The following RBM47 variants were observed in gnomAD, a reference collection of about 807,000 sequenced individuals.
The protein encoded by RBM47 is RNA-binding protein 47.
RBM47 carries 21 observed loss-of-function variants against 47.1 expected under a neutral mutation model. That is an observed-to-expected ratio of 0.45 (90% confidence interval 0.32 to 0.64). The LOEUF is 0.64. Among genes scored for constraint, RBM47 ranks in the 30% least tolerant of loss-of-function variants. The probability of loss-of-function intolerance (pLI) is 0.05; values close to 1 mark genes in which losing one functional copy is unlikely to be tolerated. For missense variants in RBM47, 708 were observed against 870.9 expected, an observed-to-expected ratio of 0.81 and a Z score of 2.35; for synonymous variants, 375 against 361.7, an observed-to-expected ratio of 1.04 and a Z score of -0.42.
At chr4:40,452,118 C>T (rs1715535162) in intron 3 of RBM47, among the ~76,000 whole-genome samples, 1 of 150,526 alleles carries the variant, frequency 6.6e-6, no homozygotes, top group Non-Finnish European at 1.5e-5. Context: ...TGCAATGAGC[C>T]GAGATCATGC....
At chr4:40,519,090 A>G (rs1271120467) in intron 2 of RBM47, among the ~76,000 whole-genome samples, 4 of 151,932 alleles carry the variant, frequency 2.6e-5, no homozygotes. Flanking sequence ...GGTCCAAGCT[A>G]CTTGGGAGGC....
chr4:40,492,376 AG>A (rs1722003742), intron 2 of RBM47, among the ~76,000 whole-genome samples: 1 of 152,140 alleles, frequency 6.6e-6, no homozygotes, highest in African/African-American at 2.4e-5. Context: ...AAAAAAGTAA[AG>A]AAAAGAAAAA....
At chr4:40,518,685 AC>A (rs771735595) in intron 2 of RBM47, among the ~76,000 whole-genome samples, 1 of 152,070 alleles carries the variant, frequency 6.6e-6, no homozygotes, top group Non-Finnish European at 1.5e-5. Context: ...ACTGTAGCCT[AC>A]ACACCCTACT....
intron 2 of RBM47, among the ~76,000 whole-genome samples, chr4:40,474,754 A>C (rs2154238579): frequency 6.6e-6 from 1 of 152,352 alleles, no homozygotes; most frequent in South Asian, 2.1e-4. Context: ...AGGGAAAACC[A>C]GTTACACTTT....
chr4:40,551,106 C>G lies in RBM47; in HGVS notation c.-239-6600G>C, dbSNP rs555768420. ...CTGTGTAGGTAGCAAGCCCAGCCTGCCCACAAATATTTGTCAAGGTAACTG... is the reference window on the plus strand; with the variant it reads ...CTGTGTAGGTAGCAAGCCCAGCCTGGCCACAAATATTTGTCAAGGTAACTG... On this transcript the variant is annotated intron_variant, in intron 1 of 6. Coordinates refer to ENST00000295971, the MANE Select transcript of RBM47 (RefSeq NM_001098634.2). Among the ~76,000 whole-genome samples the G allele has an allele frequency of 2.6e-5, 4 of 152,208 alleles. No homozygotes were observed. The South Asian group carries it at 8.3e-4, about 32-fold the overall frequency.
chr4:40,432,708 CGCGGCTGCG>C lies in RBM47; in HGVS notation c.1476_1484del (p.Ala500_Ala502del). 6.3e-7 allele frequency: 1 copy of C among 1,589,598 alleles called. No individual in the cohort carries two copies. Among genetic ancestry groups the C allele is most frequent in the East Asian group, 2.3e-5 (1 of 44,084 alleles). ...TGACAGCGGCTGCGGCGGCTGCGGC[CGCGGCTGCG>C]GCGGCAGCAGCACTGGCTGGGTCTG... is the stretch of plus-strand genomic sequence containing the variant. On this transcript the variant is annotated inframe_deletion, in exon 6 of 7. Coordinates refer to ENST00000295971, the MANE Select transcript of RBM47 (RefSeq NM_001098634.2).
intron 1 of RBM47, among the ~76,000 whole-genome samples, chr4:40,582,814 C>A (rs564948953): frequency 3.5e-4 from 53 of 152,308 alleles, no homozygotes; most frequent in African/African-American, 1.3e-3. Context: ...TCAATTGTCA[C>A]CTCCTCTACA....
At chr4:40,477,288 A>G (rs937089926) in intron 2 of RBM47, among the ~76,000 whole-genome samples, 5 of 152,236 alleles carry the variant, frequency 3.3e-5, no homozygotes, top group Non-Finnish European at 5.9e-5. Context: ...TCCTAGATAG[A>G]ATAATAGCTA....
intron 1 of RBM47, among the ~76,000 whole-genome samples, chr4:40,612,238 G>T (rs549646779): frequency 5.9e-5 from 9 of 152,302 alleles, no homozygotes; most frequent in African/African-American, 2.2e-4. Flanking sequence ...TATTCAAGAA[G>T]TATAGTTAGA....
At chr4:40,610,696 C>T (rs956773529) in intron 1 of RBM47, among the ~76,000 whole-genome samples, 2 of 151,602 alleles carry the variant, frequency 1.3e-5, no homozygotes, top group Non-Finnish European at 2.9e-5. Context: ...ATTCAAATCT[C>T]AACTTGAATT....
intron 1 of RBM47, among the ~76,000 whole-genome samples, chr4:40,567,312 C>T (rs1331095472): frequency 6.6e-6 from 1 of 152,002 alleles, no homozygotes; most frequent in East Asian, 1.9e-4. Context: ...TGTTACATTA[C>T]AACTAACATT....
At chr4:40,594,278 T>C (rs1176896936) in intron 1 of RBM47, among the ~76,000 whole-genome samples, 1 of 152,172 alleles carries the variant, frequency 6.6e-6, no homozygotes, top group Non-Finnish European at 1.5e-5. Flanking sequence ...TGCACACTGC[T>C]TCTCAGACTG....
At chr4:40,623,003 G>A (rs1345773784) in intron 1 of RBM47, among the ~76,000 whole-genome samples, 1 of 152,198 alleles carries the variant, frequency 6.6e-6, no homozygotes, top group Non-Finnish European at 1.5e-5. Context: ...CCACCCTTCC[G>A]TGACTAGCTC....
chr4:40,507,785 C>T (rs1472479207), intron 2 of RBM47, among the ~76,000 whole-genome samples: 8 of 148,934 alleles, frequency 5.4e-5, no homozygotes, highest in Non-Finnish European at 1.0e-4. Flanking sequence ...GACTCCATCT[C>T]AAAAAAAAAG....
At chr4:40,481,212 T>C (rs1198040491) in intron 2 of RBM47, among the ~76,000 whole-genome samples, 2 of 151,698 alleles carry the variant, frequency 1.3e-5, no homozygotes, top group Admixed American at 1.3e-4. Context: ...TTCTATAATA[T>C]CCCGAGATGT....
At chr4:40,536,188 G>A (rs951613060) in intron 2 of RBM47, among the ~76,000 whole-genome samples, 27 of 152,228 alleles carry the variant, frequency 1.8e-4, no homozygotes, top group African/African-American at 6.0e-4. Flanking sequence ...AGAAACCAAT[G>A]AGCATGGCTG....
Position 40,424,575 on chromosome 4 carries a change from T to C in RBM47, c.*1329A>G, listed in dbSNP as rs1403077879. On this transcript the variant is annotated 3_prime_UTR_variant, in exon 7 of 7. Transcript: ENST00000295971. ...AGCATTAGAAGATATTTACAAACTATCTTTAAACTTCTACAGGTCTCTCCT... is the reference window on the plus strand; with the variant it reads ...AGCATTAGAAGATATTTACAAACTACCTTTAAACTTCTACAGGTCTCTCCT... 3 of 152,218 alleles carry C rather than the reference T, an allele frequency of 2.0e-5. No individual in the cohort carries two copies. The highest frequency in any genetic ancestry group is 7.2e-5 in the African/African-American group (3 of 41,440). 9.4% of individuals were successfully genotyped at this position (152,218 alleles called of 1,614,324 possible). A position where few individuals can be genotyped will look rare whatever the true frequency, so the allele number is the denominator to read the frequency against.
rs748134090 is a variant in RBM47, at chr4:40,432,716, C to T, written c.1477G>A (p.Ala493Thr). Residue 493 changes from alanine (A) to threonine (T), a missense_variant, in exon 6 of 7, where the codon GCA becomes ACA. By Grantham distance (58) the Ala-to-Thr change is moderately conservative. Transcript: ENST00000295971. Reference protein sequence around the residue: ...QPDPASAAAAAAAAAAAAAAV... With the variant: ...QPDPASAAAATAAAAAAAAAV... ...GCTGCGGCGGCTGCGGCCGCGGCTG[C>T]GGCGGCAGCAGCACTGGCTGGGTCT... 22 of 1,609,926 alleles carry T rather than the reference C, an allele frequency of 1.4e-5. No homozygotes were observed. The highest frequency in any genetic ancestry group is 6.7e-5 in the East Asian group (3 of 44,784).
intron 1 of RBM47, among the ~76,000 whole-genome samples, chr4:40,615,777 T>C (rs1383176454): frequency 6.6e-6 from 1 of 152,106 alleles, no homozygotes; most frequent in Non-Finnish European, 1.5e-5. Flanking sequence ...TGAGACTCTG[T>C]CTCAAAATTA....
Sources: gnomAD v4.1 joint callset for allele counts (sites outside exome capture counted in the v4.1 genomes callset) on GRCh38, gnomAD v4.1.1 for gene constraint, MANE v1.5 for transcripts, NCBI Gene and HGNC (gene_info 2026-07-23, HGNC 2026-07-21) for gene names.